The following KANK4 variants were observed in gnomAD, a reference collection of about 807,000 sequenced individuals.
KANK4 encodes KN motif and ankyrin repeat domains 4, also known as KN motif and ankyrin repeat domain-containing protein 4.
Under a neutral mutation model 80.8 loss-of-function variants are expected in KANK4, and 50 were observed. The ratio of observed to expected loss-of-function variants is 0.62; its 90% CI spans 0.49 to 0.78. The LOEUF is 0.78. Among genes scored for constraint, KANK4 ranks in the 30% least tolerant of loss-of-function variants. The pLI is 0.00. For synonymous variants in KANK4, 465 were observed against 506.9 expected (o/e 0.92, Z 1.11); for missense variants, 1,196 against 1,240.1 (o/e 0.96, Z 0.53).
rs533874785 is a variant in KANK4 at position 62,290,891 on chromosome 1, C to T, written c.-70-9257G>A. Among the ~76,000 whole-genome samples the T allele has an allele frequency of 1.3e-4, 20 of 152,070 alleles. No homozygotes were observed. The South Asian group carries it at 4.1e-3, about 32-fold the overall frequency. On this transcript the variant is annotated intron_variant, in intron 1 of 9. Transcript: ENST00000371153. The stretch of plus-strand genomic sequence containing the variant: ...TCCCAAATAGCTGGGACTACAGGCA[C>T]CTGCCACCATGCCTGGCTAATTTTT...
intron 1 of KANK4, among the ~76,000 whole-genome samples, chr1:62,296,530 T>G (rs1208133460): frequency 6.6e-6 from 1 of 152,132 alleles, no homozygotes; most frequent in Non-Finnish European, 1.5e-5. Flanking sequence ...GCACAGAAAT[T>G]ATTTTTGGTG....
At chr1:62,249,981 ATTTCT>A (rs1170095805) in intron 8 of KANK4, among the ~76,000 whole-genome samples, 2 of 149,054 alleles carry the variant, frequency 1.3e-5, no homozygotes, top group African/African-American at 5.0e-5. Context: ...CTGTGTGTAT[ATTTCT>A]TTTCTTTTCT....
In KANK4 at chr1:62,256,674, C is replaced by T. The variant is rs372623419; in HGVS notation, c.2540-3465G>A. ...CTGGGATTACAGGCATGAGCCGTCG[C>T]GCCTGGCTACCCCATAATTTTTCAA... On this transcript the variant is annotated intron_variant, in intron 7 of 9. Transcript: ENST00000371153. Among the ~76,000 whole-genome samples, 7 of 152,270 alleles carry T rather than the reference C, an allele frequency of 4.6e-5. No individual in the cohort carries two copies. The East Asian group carries it at 5.8e-4, about 13-fold the overall frequency.
chr1:62,285,405 C>T (rs540205925), intron 1 of KANK4, among the ~76,000 whole-genome samples: 1 of 152,318 alleles, frequency 6.6e-6, no homozygotes, highest in Admixed American at 6.5e-5. Flanking sequence ...CATTTATCCG[C>T]ACCCTCTCCT....
intron 1 of KANK4, among the ~76,000 whole-genome samples, chr1:62,284,258 T>C (rs536014612): frequency 6.6e-6 from 1 of 152,324 alleles, no homozygotes; most frequent in South Asian, 2.1e-4. Flanking sequence ...AACATATGCA[T>C]GCTACCTTGT....
At chr1:62,304,487 C>T (rs2149168831) in intron 1 of KANK4, among the ~76,000 whole-genome samples, 1 of 152,112 alleles carries the variant, frequency 6.6e-6, no homozygotes, top group East Asian at 1.9e-4. Flanking sequence ...GGACCCTGGA[C>T]CTGCTTCCAA....
At chr1:62,250,969 A>G (rs1007375407) in intron 8 of KANK4, among the ~76,000 whole-genome samples, 1 of 152,160 alleles carries the variant, frequency 6.6e-6, no homozygotes, top group Admixed American at 6.5e-5. Flanking sequence ...TTAGGAGTCC[A>G]TTTTCCATAA....
Position 62,266,779 on chromosome 1 carries a change from G to A in KANK4, c.2272C>T (p.Leu758=), listed in dbSNP as rs1185478736. Residue 758 remains leucine (L), a synonymous_variant, in exon 6 of 10, where the codon CTG becomes TTG. Transcript: ENST00000371153. The part of the protein sequence containing the change: ...SEEFLNACRA[L]SQHLPETGTT... ...CCAGTTTCTGGCAGATGCTGGCTCA[G>A]TGCCCGGCATGCATTAAGAAATTCT... 6 of 1,613,170 alleles carry A rather than the reference G, an allele frequency of 3.7e-6. No homozygotes were observed. The highest frequency in any genetic ancestry group is 1.7e-5 in the Admixed American group (1 of 60,016).
At chr1:62,250,953 A>C (rs1357819876) in intron 8 of KANK4, among the ~76,000 whole-genome samples, 1 of 152,166 alleles carries the variant, frequency 6.6e-6, no homozygotes, top group Non-Finnish European at 1.5e-5. Flanking sequence ...GGTGCTTAAT[A>C]TATTGTTAGG....
intron 1 of KANK4, among the ~76,000 whole-genome samples, chr1:62,293,062 TTGTGTGTGTG>T (rs5774593): frequency 0.039 from 5,793 of 146,732 alleles, 237 homozygotes; most frequent in African/African-American, 0.11. Context: ...GTCTCAATCT[TTGTGTGTGTG>T]TGTGTGTGTG....
At chr1:62,277,403 C>T (rs746216918) in intron 2 of KANK4, among the ~76,000 whole-genome samples, 2 of 152,182 alleles carry the variant, frequency 1.3e-5, no homozygotes, top group Non-Finnish European at 2.9e-5. Context: ...CCACCAATTC[C>T]TACCCCCTTT....
At position 62,253,165 on chromosome 1, in the gene KANK4, C is replaced by T. The variant is rs377521746; in HGVS notation, c.2584G>A (p.Val862Ile). The T allele has an allele frequency of 4.2e-5, 67 of 1,613,046 alleles. No individual in the cohort carries two copies. The highest frequency in any genetic ancestry group is 5.0e-5 in the Non-Finnish European group (59 of 1,179,792). The change falls in exon 8 of 10, where the codon GTA becomes ATA. Residue 862 changes from valine (V) to isoleucine (I), a missense_variant. Val to Ile is a conservative substitution (Grantham distance 29). This residue lies in a region of KANK4 where 1,154 missense variants were observed against 1,179.6 expected (regional missense o/e 0.98). Transcript: ENST00000371153. Reference sequence around the variant, plus strand: ...GCGGAAGCCAAGGGAGTGATCATTACGGCAGTGTAGCCAGCTTTGTTCTGA... The same window carrying T: ...GCGGAAGCCAAGGGAGTGATCATTATGGCAGTGTAGCCAGCTTTGTTCTGA... ...DHQNKAGYTA[V>I]MITPLASAET...
chr1:62,265,608 T>G (rs945887435), intron 6 of KANK4, among the ~76,000 whole-genome samples: 2 of 151,992 alleles, frequency 1.3e-5, no homozygotes, highest in Non-Finnish European at 2.9e-5. Context: ...CAAAAATGAG[T>G]TGGGTAAGAA....
chr1:62,266,990 A>G (rs1277879238), intron 5 of KANK4, among the ~76,000 whole-genome samples, 171 bp from the exon 6 acceptor site: 5 of 151,998 alleles, frequency 3.3e-5, no homozygotes, highest in Admixed American at 2.6e-4. Context: ...GTGTGTGCCG[A>G]TGTGACTTGG....
chr1:62,318,425 T>C (rs1046615390), intron 1 of KANK4, among the ~76,000 whole-genome samples: 2 of 152,192 alleles, frequency 1.3e-5, no homozygotes, highest in Non-Finnish European at 2.9e-5. Context: ...GATTTGACCT[T>C]ACCGGAGAGG....
Position 62,274,368 on chromosome 1 carries a change from G to A in KANK4, c.736C>T (p.Pro246Ser), listed in dbSNP as rs982215046. The A allele has an allele frequency of 2.5e-6, 4 of 1,614,038 alleles. No individual in the cohort carries two copies. Among genetic ancestry groups the A allele is most frequent in the Middle Eastern group, 1.6e-4 (1 of 6,084 alleles). ...EGVVKVPNHL[P>S]LPGPPFSFQN... Reference sequence around the variant, plus strand: ...AATGAGAAAGGAGGGCCTGGGAGAGGGAGGTGATTTGGAACCTTCACCACA... The same window carrying A: ...AATGAGAAAGGAGGGCCTGGGAGAGAGAGGTGATTTGGAACCTTCACCACA... Residue 246 changes from proline (P) to serine (S), a missense_variant, in exon 3 of 10, where the codon CCT (proline) becomes TCT (serine). Coordinates refer to ENST00000371153, the MANE Select transcript of KANK4 (RefSeq NM_181712.5).
At chr1:62,315,965 C>G (rs1049829715) in intron 1 of KANK4, among the ~76,000 whole-genome samples, 1 of 152,204 alleles carries the variant, frequency 6.6e-6, no homozygotes, top group Non-Finnish European at 1.5e-5. Context: ...AGGCTCAATG[C>G]AGTTTCAAAG....
At position 62,274,558 on chromosome 1, in the gene KANK4, C is replaced by T. The variant is rs778058499; in HGVS notation, c.546G>A (p.Leu182=). Reference sequence around the variant, plus strand: ...GGAGGGCAGGAGGGGCAGGGGGCCCCAGGCTCAGGCCTGGCTCCTCAGAAG... The same window carrying T: ...GGAGGGCAGGAGGGGCAGGGGGCCCTAGGCTCAGGCCTGGCTCCTCAGAAG... The part of the protein sequence containing the change: ...SRASEEPGLS[L]GPPAPPALPP... Residue 182 remains leucine (L), a synonymous_variant, in exon 3 of 10, where the codon CTG becomes CTA. Transcript: ENST00000371153. 2 of 1,613,902 alleles carry T rather than the reference C, an allele frequency of 1.2e-6. No homozygotes were observed. The highest frequency in any genetic ancestry group is 1.7e-6 in the Non-Finnish European group (2 of 1,179,932).
chr1:62,286,752 C>T (rs1256373450), intron 1 of KANK4, among the ~76,000 whole-genome samples: 1 of 152,112 alleles, frequency 6.6e-6, no homozygotes, highest in Non-Finnish European at 1.5e-5. Context: ...AACATCCTTC[C>T]CTACCCCCTC....
Sources: allele counts gnomAD v4.1 joint callset (sites outside exome capture counted in the v4.1 genomes callset), GRCh38; gene constraint gnomAD v4.1.1; regional missense constraint gnomAD v4.1.1; transcripts MANE v1.5; gene names NCBI Gene and HGNC (gene_info 2026-07-23, HGNC 2026-07-21).